DSCAML1: variants seen among roughly 807,000 people sequenced by gnomAD.
DSCAML1 encodes DS cell adhesion molecule like 1.
DSCAML1 carries 38 observed loss-of-function variants against 200.5 expected under a neutral mutation model. That is an observed-to-expected ratio of 0.19 (90% CI 0.15 to 0.25). The LOEUF (loss-of-function observed/expected upper bound fraction) is 0.25. DSCAML1 is among the 10% of genes least tolerant of loss of function. The probability of loss-of-function intolerance (pLI) is 1.00; values close to 1 mark genes in which losing one functional copy is unlikely to be tolerated. For missense variants in DSCAML1, 2,223 were observed against 2,858.8 expected, an observed-to-expected ratio of 0.78 and a Z score of 5.07; for synonymous variants, 1,215 against 1,165.0, an observed-to-expected ratio of 1.04 and a Z score of -0.87.
At chr11:117,626,206 C>T (rs1025872805) in intron 3 of DSCAML1, among the ~76,000 whole-genome samples, 2 of 88,122 alleles carry the variant, frequency 2.3e-5, no homozygotes, top group African/African-American at 8.5e-5. Context: ...GAGACCCCCC[C>T]CCCTCCTTCT....
At chr11:117,537,341 A>ATTAACAGT (rs1335834371) in intron 3 of DSCAML1, among the ~76,000 whole-genome samples, 1 of 152,220 alleles carries the variant, frequency 6.6e-6, no homozygotes, top group Non-Finnish European at 1.5e-5. Flanking sequence ...TTAGGAGACA[A>ATTAACAGT]TATCCTTCCA....
chr11:117,783,910 T>C (rs1283118648), intron 1 of DSCAML1, among the ~76,000 whole-genome samples: 1 of 152,170 alleles, frequency 6.6e-6, no homozygotes. Flanking sequence ...CCTCCTGAGA[T>C]GGCCACTTCC....
At chr11:117,466,758 G>A (rs1407077310) in intron 16 of DSCAML1, among the ~76,000 whole-genome samples, 1 of 152,196 alleles carries the variant, frequency 6.6e-6, no homozygotes, top group South Asian at 2.1e-4. Context: ...GGATGAAAAA[G>A]CTCTGGAAGT....
chr11:117,542,237 A>G (rs1256196113), intron 3 of DSCAML1, among the ~76,000 whole-genome samples: 1 of 152,208 alleles, frequency 6.6e-6, no homozygotes, highest in Admixed American at 6.5e-5. Flanking sequence ...TGAATCCAGC[A>G]GTGAGCCGAG....
intron 3 of DSCAML1, among the ~76,000 whole-genome samples, chr11:117,651,787 C>T (rs1237300387): frequency 6.9e-6 from 1 of 145,538 alleles, no homozygotes; most frequent in Non-Finnish European, 1.5e-5. Context: ...TTTCAAAGTA[C>T]TTTCTTGACA....
At chr11:117,738,788 G>A (rs144244562) in intron 3 of DSCAML1, among the ~76,000 whole-genome samples, 47 of 152,220 alleles carry the variant, frequency 3.1e-4, no homozygotes, top group Non-Finnish European at 4.6e-4. Context: ...GGTTTGCACC[G>A]GTATAACTGT....
chr11:117,482,037 T>C lies in DSCAML1; in HGVS notation c.2485A>G (p.Ile829Val). ...IIRWEKGDTV[I>V]DPDRVMRYAI... ...TACCGCATGACGCGGTCAGGGTCGATGACTGTGTCCCCCTTCTCCCAGCGG... is the reference window on the plus strand; with the variant it reads ...TACCGCATGACGCGGTCAGGGTCGACGACTGTGTCCCCCTTCTCCCAGCGG... Residue 829 changes from isoleucine (I) to valine (V), a missense_variant, in exon 12 of 33, where the codon ATC (isoleucine) becomes GTC (valine). By Grantham distance (29) the Ile-to-Val change is conservative. Around this residue, in one of 7 missense-constraint regions of DSCAML1, gnomAD observed 438 missense variants for 629.7 expected, o/e 0.70. Coordinates refer to ENST00000651296, the MANE Select transcript of DSCAML1 (RefSeq NM_020693.4). 1.2e-6 allele frequency: 2 copies of C among 1,614,198 alleles called. No homozygotes were observed. The highest frequency in any genetic ancestry group is 1.7e-6 in the Non-Finnish European group (2 of 1,180,008).
chr11:117,682,819 GAGGA>G (rs1178594745), intron 3 of DSCAML1, among the ~76,000 whole-genome samples: 1 of 152,178 alleles, frequency 6.6e-6, no homozygotes, highest in Non-Finnish European at 1.5e-5. Context: ...TGGCTGGAGG[GAGGA>G]AGGAAGGGAG....
At chr11:117,612,346 GT>G (rs1469369517) in intron 3 of DSCAML1, among the ~76,000 whole-genome samples, 1 of 152,182 alleles carries the variant, frequency 6.6e-6, no homozygotes, top group African/African-American at 2.4e-5. Context: ...CAAGTCAGAT[GT>G]TTCCCATCAG....
At chr11:117,797,333 C>G, upstream of DSCAML1, 3 of 1,262,066 alleles carry the variant, frequency 2.4e-6, no homozygotes, top group Non-Finnish European at 2.0e-6. Context: ...CGCGCGAGCC[C>G]GGAGCCCAGA....
At chr11:117,701,532 T>C (rs577662009) in intron 3 of DSCAML1, among the ~76,000 whole-genome samples, 2 of 152,168 alleles carry the variant, frequency 1.3e-5, no homozygotes, top group Non-Finnish European at 2.9e-5. Flanking sequence ...CAGGCCTCTT[T>C]GGAGGAGGAA....
chr11:117,664,231 C>A (rs964329341), intron 3 of DSCAML1, among the ~76,000 whole-genome samples: 3 of 152,228 alleles, frequency 2.0e-5, no homozygotes, highest in Non-Finnish European at 4.4e-5. Flanking sequence ...AGGCCTAGAC[C>A]GGCGAGGGGC....
intron 1 of DSCAML1, among the ~76,000 whole-genome samples, chr11:117,783,633 T>C (rs980372771): frequency 3.9e-5 from 6 of 152,194 alleles, no homozygotes; most frequent in African/African-American, 1.2e-4. Flanking sequence ...AAGGAAATTA[T>C]GACTCTGAGA....
intron 3 of DSCAML1, among the ~76,000 whole-genome samples, chr11:117,707,142 T>C (rs1270678517): frequency 1.3e-5 from 2 of 152,164 alleles, no homozygotes; most frequent in African/African-American, 2.4e-5. Context: ...TGCCTCAAGT[T>C]CCTGACATGA....
chr11:117,556,859 C>T (rs757597695), intron 3 of DSCAML1, among the ~76,000 whole-genome samples: 3 of 152,192 alleles, frequency 2.0e-5, no homozygotes, highest in Non-Finnish European at 4.4e-5. Flanking sequence ...GCTTCACCGC[C>T]GACATGCCCA....
chr11:117,646,681 A>G (rs576887187), intron 3 of DSCAML1, among the ~76,000 whole-genome samples: 1 of 152,242 alleles, frequency 6.6e-6, no homozygotes, highest in East Asian at 1.9e-4. Flanking sequence ...GTAGCTTGCA[A>G]TTGGCCATGG....
In DSCAML1 at chr11:117,558,732, G is replaced by T. The variant is rs190355021; in HGVS notation, c.512-26210C>A. ...AAGCTCCCCGAAAAAGAAATTCCTAGCCCTTTTAAGGGCTTACAACTCTAA... is the reference window on the plus strand; with the variant it reads ...AAGCTCCCCGAAAAAGAAATTCCTATCCCTTTTAAGGGCTTACAACTCTAA... On this transcript the variant is annotated intron_variant, in intron 3 of 32. Coordinates refer to ENST00000651296, the MANE Select transcript of DSCAML1 (RefSeq NM_020693.4). 1.7e-3 allele frequency among the ~76,000 whole-genome samples: 259 copies of T among 152,304 alleles called. 1 individual carries two copies. The highest frequency in any genetic ancestry group is 2.5e-3 in the Non-Finnish European group (167 of 68,032).
chr11:117,589,345 T>C (rs2051213208), intron 3 of DSCAML1, among the ~76,000 whole-genome samples: 2 of 152,174 alleles, frequency 1.3e-5, no homozygotes, highest in Non-Finnish European at 2.9e-5. Flanking sequence ...AACAAACACA[T>C]GCTCAAACTC....
At chr11:117,483,503 C>G (rs1375943200) in intron 11 of DSCAML1, among the ~76,000 whole-genome samples, 1 of 152,152 alleles carries the variant, frequency 6.6e-6, no homozygotes, top group Non-Finnish European at 1.5e-5. Context: ...ACAAACATGG[C>G]GTGATCTCAT....
Sources: allele counts gnomAD v4.1 joint callset (sites outside exome capture counted in the v4.1 genomes callset), GRCh38; gene constraint gnomAD v4.1.1; regional missense constraint gnomAD v4.1.1; transcripts MANE v1.5; gene names NCBI Gene and HGNC (gene_info 2026-07-23, HGNC 2026-07-21).